The following BTRC variants were observed in gnomAD, a reference collection of about 807,000 sequenced individuals.
The protein encoded by BTRC is F-box/WD repeat-containing protein 1A.
A neutral mutation model predicts 85.5 loss-of-function variants in BTRC; 42 were observed. The ratio of observed to expected loss-of-function variants is 0.49; its 90% confidence interval spans 0.38 to 0.64. BTRC has a LOEUF of 0.64. Ranked by LOEUF, BTRC falls within the 30% of genes least tolerant of loss-of-function variation. BTRC has a pLI of 0.00. For missense variants in BTRC, 594 were observed against 743.5 expected, an observed-to-expected ratio of 0.80 and a Z score of 2.34; for synonymous variants, 255 against 263.3, an observed-to-expected ratio of 0.97 and a Z score of 0.30.
chr10:101,462,731 C>T (rs1564787724), intron 3 of BTRC, among the ~76,000 whole-genome samples: 1 of 150,576 alleles, frequency 6.6e-6, no homozygotes, highest in Non-Finnish European at 1.5e-5. Context: ...GAAGGTAACA[C>T]ATTTTACTTG....
chr10:101,479,530 A>T (rs559273998), intron 4 of BTRC, 73 bp downstream of exon 4: 1 of 1,211,266 alleles, frequency 8.3e-7, no homozygotes, highest in East Asian at 2.4e-5. Flanking sequence ...ATCTTTACTC[A>T]GTATTGCTTA....
rs1182284615 is a variant in BTRC at position 101,386,887 on chromosome 10, T to A, written c.48+32659T>A. ...ATGAAAATAGCCTCATATTTTCTAC[T>A]AGAGACTTTTTGAGTTTTGGTTTTT... On this transcript the variant is annotated intron_variant, in intron 1 of 14. Coordinates refer to ENST00000370187, the MANE Select transcript of BTRC (RefSeq NM_033637.4). 2.0e-5 allele frequency among the ~76,000 whole-genome samples: 3 copies of A among 152,222 alleles called. No individual in the cohort carries two copies. The South Asian group carries it at 6.2e-4, about 32-fold the overall frequency.
chr10:101,471,463 G>A (rs1430648158), intron 3 of BTRC, among the ~76,000 whole-genome samples: 1 of 152,050 alleles, frequency 6.6e-6, no homozygotes, highest in Non-Finnish European at 1.5e-5. Context: ...CCGTTATTCT[G>A]TTAATACGAC....
intron 2 of BTRC, among the ~76,000 whole-genome samples, chr10:101,457,840 C>T (rs1220705719): frequency 1.3e-5 from 2 of 152,200 alleles, no homozygotes; most frequent in East Asian, 3.9e-4. Flanking sequence ...TTTATTTTGA[C>T]ATAACTTCAG....
chr10:101,366,321 A>T (rs974763544), intron 1 of BTRC, among the ~76,000 whole-genome samples: 1 of 151,890 alleles, frequency 6.6e-6, no homozygotes, highest in Non-Finnish European at 1.5e-5. Flanking sequence ...GGAAGACATT[A>T]TGGGGGCAGA....
chr10:101,506,835 C>T (rs1484908213), intron 4 of BTRC, among the ~76,000 whole-genome samples: 1 of 152,148 alleles, frequency 6.6e-6, no homozygotes, highest in East Asian at 1.9e-4. Flanking sequence ...TTAGTGAATG[C>T]TTTTCTAGCT....
chr10:101,431,070 CTTTTTTTTTTT>C (rs748703752), intron 2 of BTRC, among the ~76,000 whole-genome samples: 7 of 71,294 alleles, frequency 9.8e-5, no homozygotes, highest in East Asian at 8.0e-4. Context: ...CTCAGCCTTT[CTTTTTTTTTTT>C]TTTTTTTTTT....
intron 1 of BTRC, among the ~76,000 whole-genome samples, chr10:101,388,653 C>G (rs1296894162): frequency 1.3e-5 from 2 of 151,272 alleles, no homozygotes; most frequent in Non-Finnish European, 2.9e-5. Flanking sequence ...CCACGCTTGG[C>G]TAATTTTTTT....
chr10:101,549,713 C>CAAAAAAAAAAAAAAAAAAGAA (rs2062618532), intron 13 of BTRC, among the ~76,000 whole-genome samples: 1 of 42,770 alleles, frequency 2.3e-5, no homozygotes, highest in Non-Finnish European at 3.6e-5. Context: ...GACTCTGTCT[C>CAAAAAAAAAAAAAAAAAAGAA]AAAAAAAAAA....
intron 1 of BTRC, among the ~76,000 whole-genome samples, chr10:101,386,212 A>G (rs1479007512): frequency 6.6e-6 from 1 of 152,134 alleles, no homozygotes; most frequent in Non-Finnish European, 1.5e-5. Flanking sequence ...GGACCTTTCT[A>G]TTTTTATAAG....
chr10:101,528,080 G>GA (rs1397505600), intron 6 of BTRC, among the ~76,000 whole-genome samples: 1 of 152,002 alleles, frequency 6.6e-6, no homozygotes, highest in African/African-American at 2.4e-5. Flanking sequence ...GTATCCCTCA[G>GA]AAAAAAAGAA....
At chr10:101,452,017 T>C (rs1459215416) in intron 2 of BTRC, among the ~76,000 whole-genome samples, 1 of 152,174 alleles carries the variant, frequency 6.6e-6, no homozygotes, top group Non-Finnish European at 1.5e-5. Flanking sequence ...GTCAAAGGCA[T>C]TCAGATTAAC....
intron 1 of BTRC, among the ~76,000 whole-genome samples, chr10:101,369,282 T>C (rs776875488): frequency 7.2e-5 from 11 of 152,118 alleles, no homozygotes; most frequent in Admixed American, 2.6e-4. Flanking sequence ...TACACTGGTG[T>C]GATCATAGCT....
At chr10:101,539,620 C>T (rs1432633824) in intron 13 of BTRC, among the ~76,000 whole-genome samples, 1 of 152,188 alleles carries the variant, frequency 6.6e-6, no homozygotes, top group Non-Finnish European at 1.5e-5. Flanking sequence ...AACAAAGTTT[C>T]TATAAACATT....
chr10:101,434,473 G>A (rs1418564825), intron 2 of BTRC, among the ~76,000 whole-genome samples: 1 of 152,116 alleles, frequency 6.6e-6, no homozygotes, highest in African/African-American at 2.4e-5. Context: ...GAGTTAACAT[G>A]TATAAAACTA....
chr10:101,417,138 G>A (rs1250146856), intron 1 of BTRC, among the ~76,000 whole-genome samples: 3 of 151,846 alleles, frequency 2.0e-5, no homozygotes, highest in Non-Finnish European at 4.4e-5. Flanking sequence ...TCAGAATTAA[G>A]GAAATTATTA....
intron 4 of BTRC, among the ~76,000 whole-genome samples, chr10:101,488,105 A>C (rs1589538671): frequency 6.6e-6 from 1 of 152,178 alleles, no homozygotes; most frequent in South Asian, 2.1e-4. Context: ...AACCAGAGGA[A>C]TTACATTTTT....
chr10:101,466,401 A>G (rs1157270422), intron 3 of BTRC, among the ~76,000 whole-genome samples: 1 of 152,210 alleles, frequency 6.6e-6, no homozygotes, highest in Non-Finnish European at 1.5e-5. Context: ...GAGAGAGGCC[A>G]AGAAGCTAAC....
chr10:101,388,575 G>C (rs1943145496), intron 1 of BTRC, among the ~76,000 whole-genome samples: 1 of 151,752 alleles, frequency 6.6e-6, no homozygotes. Context: ...CTGCTGCCTC[G>C]ACCTCCTGGG....
Sources: allele counts gnomAD v4.1 joint callset (sites outside exome capture counted in the v4.1 genomes callset), GRCh38; gene constraint gnomAD v4.1.1; transcripts MANE v1.5; gene names NCBI Gene and HGNC (gene_info 2026-07-23, HGNC 2026-07-21).